DYNC1I1: variants seen among roughly 807,000 people sequenced by gnomAD.
DYNC1I1 encodes the protein cytoplasmic dynein 1 intermediate chain 1.
DYNC1I1 carries 43 observed loss-of-function variants against 86.6 expected under a neutral mutation model. The observed-to-expected ratio is 0.50, with a 90% CI of 0.39 to 0.64. DYNC1I1 has a LOEUF of 0.64. DYNC1I1 is among the 30% of genes least tolerant of loss of function. The pLI is 0.00. For synonymous variants in DYNC1I1, 262 were observed against 283.7 expected, an observed-to-expected ratio of 0.92 and a Z score of 0.77; for missense variants, 604 against 788.8, an observed-to-expected ratio of 0.77 and a Z score of 2.81.
At chr7:95,974,586 A>G (rs534254387) in intron 6 of DYNC1I1, among the ~76,000 whole-genome samples, 1 of 152,282 alleles carries the variant, frequency 6.6e-6, no homozygotes, top group South Asian at 2.1e-4. Context: ...ACAAGATCAA[A>G]TACTTCCTTT....
intron 6 of DYNC1I1, among the ~76,000 whole-genome samples, chr7:95,926,736 T>G (rs1791756478): frequency 6.6e-6 from 1 of 152,152 alleles, no homozygotes; most frequent in African/African-American, 2.4e-5. Flanking sequence ...GGAACCACAC[T>G]GTGATTCAGA....
intron 5 of DYNC1I1, among the ~76,000 whole-genome samples, chr7:95,868,915 C>G (rs1790086272): frequency 6.6e-6 from 1 of 152,080 alleles, no homozygotes. Context: ...GGTGATACTA[C>G]TATACCTCCA....
rs114687008 is a variant in DYNC1I1, at chr7:96,012,284, T to C, written c.970-15891T>C. On this transcript the variant is annotated intron_variant, in intron 10 of 16. Transcript: ENST00000447467. ...CATGGGTTGCAAATAACAGCAGAGTTTGGGTTTTTGCTAGTAGGTCTACAG... is the reference window on the plus strand; with the variant it reads ...CATGGGTTGCAAATAACAGCAGAGTCTGGGTTTTTGCTAGTAGGTCTACAG... Among the ~76,000 whole-genome samples the C allele has an allele frequency of 3.1e-3, 470 of 152,272 alleles. 2 individuals carry two copies. Among genetic ancestry groups the C allele is most frequent in the African/African-American group, 0.011 (444 of 41,554 alleles).
At chr7:95,991,028 T>TTAAAATAAAA (rs71292964) in intron 9 of DYNC1I1, among the ~76,000 whole-genome samples, 174 of 148,652 alleles carry the variant, frequency 1.2e-3, no homozygotes, top group African/African-American at 3.6e-3. Context: ...GACCCTGTCT[T>TTAAAATAAAA]TAAAATAAAA....
intron 16 of DYNC1I1, among the ~76,000 whole-genome samples, chr7:96,081,783 T>C (rs1405437300): frequency 2.6e-5 from 4 of 152,196 alleles, no homozygotes; most frequent in African/African-American, 9.7e-5. Flanking sequence ...TGATGACATA[T>C]TATATACTGC....
intron 6 of DYNC1I1, among the ~76,000 whole-genome samples, chr7:95,956,859 T>TTATAGCAG (rs1792730516): frequency 6.6e-6 from 1 of 152,224 alleles, no homozygotes; most frequent in Admixed American, 6.5e-5. Flanking sequence ...GCATGTGTCT[T>TTATAGCAG]CATTTAATTG....
chr7:95,929,956 A>G (rs1303897642), intron 6 of DYNC1I1, among the ~76,000 whole-genome samples: 1 of 152,250 alleles, frequency 6.6e-6, no homozygotes, highest in Non-Finnish European at 1.5e-5. Flanking sequence ...TGAAATGAAT[A>G]CTAACATCTG....
Position 95,775,059 on chromosome 7 carries a change from T to C in DYNC1I1, c.-10+2286T>C, listed in dbSNP as rs1382619. On this transcript the variant is annotated intron_variant, in intron 1 of 16. Coordinates refer to ENST00000447467, the MANE Select transcript of DYNC1I1 (RefSeq NM_001135556.2). The stretch of plus-strand genomic sequence containing the variant: ...CTTTACCAGGCATTGCATTTTAAAA[T>C]ACTTTCACAGGTGTTAACTTATTTA... Among the ~76,000 whole-genome samples the C allele has an allele frequency of 2.8e-3, 430 of 152,368 alleles. 4 individuals carry two copies. Among genetic ancestry groups the C allele is most frequent in the African/African-American group, 9.7e-3 (403 of 41,588 alleles).
intron 16 of DYNC1I1, among the ~76,000 whole-genome samples, 174 bp from the exon 17 acceptor site, chr7:96,097,309 G>C (rs1791043789): frequency 6.6e-6 from 1 of 152,066 alleles, no homozygotes; most frequent in East Asian, 1.9e-4. Flanking sequence ...GTTAGTTTAA[G>C]AGCAACACCT....
intron 14 of DYNC1I1, among the ~76,000 whole-genome samples, chr7:96,053,258 G>A (rs189607140): frequency 2.7e-3 from 409 of 152,240 alleles, no homozygotes; most frequent in African/African-American, 9.3e-3. Flanking sequence ...ATAATCACAT[G>A]TGACTGGCAT....
At chr7:95,952,760 T>G (rs1792594541) in intron 6 of DYNC1I1, among the ~76,000 whole-genome samples, 1 of 152,154 alleles carries the variant, frequency 6.6e-6, no homozygotes, top group Admixed American at 6.5e-5. Context: ...TTCAATATGT[T>G]TTTACTTTAC....
chr7:95,882,788 C>T (rs1370423467), intron 6 of DYNC1I1, among the ~76,000 whole-genome samples: 6 of 152,140 alleles, frequency 3.9e-5, no homozygotes, highest in South Asian at 4.1e-4. Context: ...AGAGACAACA[C>T]GCTGAGGAAA....
At chr7:96,011,814 C>A (rs1263940379) in intron 10 of DYNC1I1, among the ~76,000 whole-genome samples, 1 of 152,102 alleles carries the variant, frequency 6.6e-6, no homozygotes, top group Non-Finnish European at 1.5e-5. Flanking sequence ...ATATATGATA[C>A]ATTGGTATAA....
At chr7:96,059,907 T>G (rs1789710993) in intron 14 of DYNC1I1, among the ~76,000 whole-genome samples, 1 of 152,172 alleles carries the variant, frequency 6.6e-6, no homozygotes, top group Non-Finnish European at 1.5e-5. Context: ...TCAGATAATG[T>G]ATGGTCTTTT....
chr7:95,779,585 A>T (rs1485087817), intron 1 of DYNC1I1, among the ~76,000 whole-genome samples: 5 of 152,284 alleles, frequency 3.3e-5, no homozygotes. Flanking sequence ...ATAACAAAAA[A>T]TTGTCTTGAT....
Position 96,098,194 on chromosome 7 carries a change from A to G in DYNC1I1, c.*601A>G. On this transcript the variant is annotated 3_prime_UTR_variant, in exon 17 of 17. Transcript: ENST00000447467. ...TTCTCTCTGCTGCTGTTGAGGTTAT[A>G]TTAAGTTCCACATAGCAATTACAGT... The G allele has an allele frequency of 1.4e-5, 14 of 985,904 alleles. No individual in the cohort carries two copies. The highest frequency in any genetic ancestry group is 1.7e-5 in the Non-Finnish European group (14 of 829,946). 61.1% of individuals were successfully genotyped at this position (985,904 alleles called of 1,614,324 possible). A position where few individuals can be genotyped will look rare whatever the true frequency, so the allele number is the denominator to read the frequency against.
intron 6 of DYNC1I1, among the ~76,000 whole-genome samples, chr7:95,884,710 G>A (rs1790544976): frequency 6.6e-6 from 1 of 151,174 alleles, no homozygotes; most frequent in African/African-American, 2.4e-5. Context: ...GAGGCGGGAG[G>A]ATAGCTTGAG....
chr7:96,035,885 AT>A, intron 13 of DYNC1I1, 133 bp downstream of exon 13: 1 of 1,412,122 alleles, frequency 7.1e-7, no homozygotes, highest in Non-Finnish European at 9.7e-7. Flanking sequence ...TCAACTCTTC[AT>A]TATCTTAAAG....
intron 6 of DYNC1I1, among the ~76,000 whole-genome samples, chr7:95,951,042 G>C (rs901155637): frequency 4.6e-5 from 7 of 152,064 alleles, no homozygotes; most frequent in Non-Finnish European, 7.4e-5. Flanking sequence ...GGTGTATTTT[G>C]GTGTCAATGA....
Sources: gnomAD v4.1 joint callset for allele counts (sites outside exome capture counted in the v4.1 genomes callset) on GRCh38, gnomAD v4.1.1 for gene constraint, MANE v1.5 for transcripts, NCBI Gene and HGNC (gene_info 2026-07-23, HGNC 2026-07-21) for gene names.